Variants in ADAMDEC1 observed in about 807,000 individuals in gnomAD.
ADAMDEC1 encodes the protein ADAM like decysin 1.
In ADAMDEC1, 62 loss-of-function variants were observed where a neutral mutation model predicts 60.4. That is an observed-to-expected ratio of 1.03 (90% CI 0.84 to 1.27). The LOEUF (loss-of-function observed/expected upper bound fraction) is 1.27, where lower values mean the gene tolerates loss of function less well. Ranked by LOEUF, ADAMDEC1 falls within the 50% of genes most tolerant of loss-of-function variation. ADAMDEC1 has a pLI of 0.00. For synonymous variants in ADAMDEC1, 210 were observed against 195.1 expected (o/e 1.08, Z -0.64); for missense variants, 595 against 565.0 (o/e 1.05, Z -0.54).
chr8:24,398,908 T>A lies in ADAMDEC1; in HGVS notation c.797T>A (p.Val266Glu). The A allele has an allele frequency of 6.2e-7, 1 of 1,613,886 alleles. No individual in the cohort carries two copies. Among genetic ancestry groups the A allele is most frequent in the Non-Finnish European group, 8.5e-7 (1 of 1,179,880 alleles). Reference protein sequence around the residue: ...YNTIDVQVALVGMEIWSDGDK... With the variant: ...YNTIDVQVALEGMEIWSDGDK... ...ACCATAGATGTTCAAGTGGCCTTGG[T>A]AGGTATGGAAATCTGGTCTGATGGG... The change falls in exon 9 of 14, where the codon GTA becomes GAA. Residue 266 changes from valine to glutamate, a missense_variant. Coordinates refer to ENST00000256412, the MANE Select transcript of ADAMDEC1 (RefSeq NM_014479.3).
chr8:24,390,206 A>T (rs761644762), intron 1 of ADAMDEC1: 33 of 1,141,324 alleles, frequency 2.9e-5, no homozygotes, highest in Non-Finnish European at 3.8e-5. Context: ...ACATAAAAGA[A>T]ATATCAGAGA....
At chr8:24,386,513 G>A (rs1202645440) in intron 1 of ADAMDEC1, among the ~76,000 whole-genome samples, 1 of 152,158 alleles carries the variant, frequency 6.6e-6, no homozygotes, top group East Asian at 1.9e-4. Context: ...TTGGCGTTCT[G>A]CCATATTCAC....
intron 13 of ADAMDEC1, among the ~76,000 whole-genome samples, chr8:24,404,833 T>A (rs1409170963): frequency 6.6e-6 from 1 of 152,142 alleles, no homozygotes; most frequent in East Asian, 1.9e-4. Flanking sequence ...AGGTCAAAGA[T>A]AAGGACCAAC....
chr8:24,398,837 C>T, intron 8 of ADAMDEC1, 37 bp from the exon 9 acceptor site: 1 of 1,600,638 alleles, frequency 6.2e-7, no homozygotes, highest in Non-Finnish European at 8.5e-7. Context: ...GAAAGGAATC[C>T]TGAACATTTT....
At chr8:24,385,109 A>G (rs1370728521) in intron 1 of ADAMDEC1, among the ~76,000 whole-genome samples, 1 of 152,176 alleles carries the variant, frequency 6.6e-6, no homozygotes, top group African/African-American at 2.4e-5. Flanking sequence ...TTATTGATAG[A>G]TGAACCATTT....
chr8:24,386,889 C>T (rs972922719), intron 1 of ADAMDEC1, among the ~76,000 whole-genome samples: 7 of 152,142 alleles, frequency 4.6e-5, no homozygotes, highest in Non-Finnish European at 7.4e-5. Flanking sequence ...GCTGCCTGGC[C>T]CTAGTGGCCA....
intron 9 of ADAMDEC1, 146 bp downstream of exon 9, chr8:24,399,186 A>G: frequency 9.6e-7 from 1 of 1,037,212 alleles, no homozygotes; most frequent in Non-Finnish European, 1.4e-6. Flanking sequence ...CTGTGACATT[A>G]TTGGATCAAT....
At position 24,400,284 on chromosome 8, in the gene ADAMDEC1, ATGAATCAGTATCTGAGG is replaced by A. The variant is rs1414368180; in HGVS notation, c.1130_1142+4del. 6.2e-7 allele frequency: 1 copy of A among 1,609,164 alleles called. No homozygotes were observed. Among genetic ancestry groups the A allele is most frequent in the South Asian group, 1.1e-5 (1 of 89,942 alleles). On this transcript the variant is annotated splice_donor_variant and coding_sequence_variant, in exon 11 of 14. Transcript: ENST00000256412. LOFTEE classifies it high-confidence loss of function. ...CAAGTGTCCCTCTGGCAGTTGTGTG[ATGAATCAGTATCTGAGG>A]TGAGACCTTGTCATCCTAAAAGGAG...
intron 12 of ADAMDEC1, among the ~76,000 whole-genome samples, chr8:24,403,755 A>G (rs951494721): frequency 6.6e-6 from 1 of 152,092 alleles, no homozygotes; most frequent in Non-Finnish European, 1.5e-5. Context: ...TCATACATCT[A>G]GACAAAATTT....
At position 24,402,087 on chromosome 8, in the gene ADAMDEC1, C is replaced by G; in HGVS notation, c.1315C>G (p.Pro439Ala). The change falls in exon 12 of 14, where the codon CCT becomes GCT. Residue 439 changes from proline to alanine, a missense_variant. Pro to Ala is a conservative substitution (Grantham distance 27). Transcript: ENST00000256412. Reference sequence around the variant, plus strand: ...GGGAGAAGACTGTGATTGTGGCTCTCCTAAGGTATTATTTATTAGAATTAT... The same window carrying G: ...GGGAGAAGACTGTGATTGTGGCTCTGCTAAGGTATTATTTATTAGAATTAT... Reference protein sequence around the residue: ...EVGEDCDCGSPKECTNLCCEA... With the variant: ...EVGEDCDCGSAKECTNLCCEA... 1 of 1,602,086 alleles carries G rather than the reference C, an allele frequency of 6.2e-7. No homozygotes were observed. Among genetic ancestry groups the G allele is most frequent in the Non-Finnish European group, 8.5e-7 (1 of 1,174,150 alleles).
intron 1 of ADAMDEC1, among the ~76,000 whole-genome samples, chr8:24,390,949 G>T (rs1441215817): frequency 6.6e-6 from 1 of 152,152 alleles, no homozygotes; most frequent in Non-Finnish European, 1.5e-5. Context: ...AAAATTGCAT[G>T]ATTAGTGCTA....
chr8:24,400,408 T>C (rs1209251058), intron 11 of ADAMDEC1, 108 bp downstream of exon 11: 1 of 1,214,566 alleles, frequency 8.2e-7, no homozygotes, highest in African/African-American at 1.5e-5. Context: ...TCTTGTGTTG[T>C]TCCAAAACAG....
chr8:24,400,494 A>T (rs1006219710), intron 11 of ADAMDEC1, among the ~76,000 whole-genome samples, 194 bp downstream of exon 11: 4 of 152,084 alleles, frequency 2.6e-5, no homozygotes, highest in Non-Finnish European at 5.9e-5. Context: ...CAATCTTAAA[A>T]CGTGTAGGGT....
At chr8:24,393,070 T>C (rs1437686436) in intron 2 of ADAMDEC1, among the ~76,000 whole-genome samples, 192 bp from the exon 3 acceptor site, 1 of 152,052 alleles carries the variant, frequency 6.6e-6, no homozygotes, top group Non-Finnish European at 1.5e-5. Context: ...TAAGTGTTAT[T>C]ATCACATAAT....
At chr8:24,393,411 C>A (rs1563354049) in intron 3 of ADAMDEC1, 73 bp downstream of exon 3, 2 of 1,068,264 alleles carry the variant, frequency 1.9e-6, no homozygotes, top group South Asian at 1.5e-5. Flanking sequence ...TTTGAGGCTC[C>A]ATTTAGTGTG....
rs753833406 is a variant in ADAMDEC1, at chr8:24,395,763, C to A, written c.407C>A (p.Ser136Tyr). 3.7e-6 allele frequency: 6 copies of A among 1,613,524 alleles called. No individual in the cohort carries two copies. The highest frequency in any genetic ancestry group is 1.7e-5 in the Admixed American group (1 of 59,968). ...GGAAACATCCTAAATGAAAAGAATTCTGTTGCCAGCATCAGTACTTGTGAC... is the reference window on the plus strand; with the variant it reads ...GGAAACATCCTAAATGAAAAGAATTATGTTGCCAGCATCAGTACTTGTGAC... ...YKGNILNEKN[S>Y]VASISTCDGL... The change falls in exon 5 of 14, where the codon TCT becomes TAT. Residue 136 changes from serine to tyrosine, a missense_variant. Ser to Tyr is a moderately radical substitution (Grantham distance 144). Coordinates refer to ENST00000256412, the MANE Select transcript of ADAMDEC1 (RefSeq NM_014479.3).
rs115591147 is a variant in ADAMDEC1 at position 24,399,496 on chromosome 8, C to A, written c.1011+22C>A. ...TGAGGTTTGTAAATTTGTAGTAAGG[C>A]TCTCTGTGGTTCTGTATCCTCTATG... On this transcript the variant is annotated intron_variant, in intron 10 of 13. Transcript: ENST00000256412. The A allele has an allele frequency of 3.2e-3, 5,097 of 1,586,446 alleles. 144 individuals carry two copies. In the African/African-American group the frequency reaches 0.061, roughly 19 times the overall value.
At chr8:24,398,698 A>G in intron 8 of ADAMDEC1, 147 bp downstream of exon 8, 1 of 921,836 alleles carries the variant, frequency 1.1e-6, no homozygotes, top group Non-Finnish European at 1.6e-6. Flanking sequence ...ACAAGCATCA[A>G]CATCAAGGTG....
rs767110341 is a variant in ADAMDEC1 at position 24,399,413 on chromosome 8, G to A, written c.950G>A (p.Arg317Gln). Reference sequence around the variant, plus strand: ...TACAGCGGGATTAGCTTCAACAATCGACGTGTGGGACTGGCAGCTTCAAAT... The same window carrying A: ...TACAGCGGGATTAGCTTCAACAATCAACGTGTGGGACTGGCAGCTTCAAAT... The part of the protein sequence containing the change: ...QLLSGISFNN[R>Q]RVGLAASNSL... Residue 317 changes from arginine to glutamine, a missense_variant, in exon 10 of 14, where the codon CGA becomes CAA. Coordinates refer to ENST00000256412, the MANE Select transcript of ADAMDEC1 (RefSeq NM_014479.3). The A allele has an allele frequency of 3.7e-6, 6 of 1,613,762 alleles. No individual in the cohort carries two copies. The highest frequency in any genetic ancestry group is 4.5e-5 in the East Asian group (2 of 44,860).
Sources: gnomAD v4.1 joint callset for allele counts (sites outside exome capture counted in the v4.1 genomes callset) on GRCh38, gnomAD v4.1.1 for gene constraint, MANE v1.5 for transcripts, NCBI Gene and HGNC (gene_info 2026-07-23, HGNC 2026-07-21) for gene names.